The following NAV3 variants were observed in gnomAD, a reference collection of about 807,000 sequenced individuals.
NAV3 encodes neuron navigator 3.
In NAV3, 87 loss-of-function variants were observed where a neutral mutation model predicts 244.7. The observed-to-expected ratio is 0.36, with a 90% CI of 0.30 to 0.42. The LOEUF is 0.42. NAV3 is among the 20% of genes least tolerant of loss of function. NAV3 has a pLI of 1.00. For missense variants in NAV3, 2,663 were observed against 2,893.3 expected, an observed-to-expected ratio of 0.92 and a Z score of 1.83; for synonymous variants, 1,126 against 1,042.2, an observed-to-expected ratio of 1.08 and a Z score of -1.55.
At chr12:77,829,242 G>A (rs774867194), upstream of NAV3, among the ~76,000 whole-genome samples, 3 of 152,158 alleles carry the variant, frequency 2.0e-5, no homozygotes, top group Admixed American at 6.5e-5. Context: ...CCTTCCAACC[G>A]GATTTCTTCC....
intron 9 of NAV3, 34 bp from the exon 10 acceptor site, chr12:78,049,959 C>A: frequency 6.7e-7 from 1 of 1,485,728 alleles, no homozygotes. Flanking sequence ...TACTAAATGT[C>A]ATGAATAGCA....
intron 1 of NAV3, among the ~76,000 whole-genome samples, chr12:77,886,846 C>T (rs536022746): frequency 3.9e-5 from 6 of 152,136 alleles, no homozygotes; most frequent in East Asian, 1.9e-4. Flanking sequence ...TTATACCCCT[C>T]GATTTTAATC....
chr12:78,031,592 G>A (rs968755653), intron 9 of NAV3, among the ~76,000 whole-genome samples: 1 of 151,740 alleles, frequency 6.6e-6, no homozygotes, highest in African/African-American at 2.4e-5. Context: ...GTAGGGACAT[G>A]GATGAAATTG....
chr12:78,187,976 G>A (rs1462930230), intron 31 of NAV3, among the ~76,000 whole-genome samples: 2 of 151,860 alleles, frequency 1.3e-5, no homozygotes, highest in East Asian at 3.9e-4. Flanking sequence ...AACAGGTCAT[G>A]GATCAGTTTT....
intron 2 of NAV3, among the ~76,000 whole-genome samples, chr12:77,661,185 G>A (rs553110342): frequency 6.6e-6 from 1 of 152,154 alleles, no homozygotes; most frequent in African/African-American, 2.4e-5. Flanking sequence ...TGGACGTACC[G>A]TTTTACATTC....
chr12:77,841,262 A>G (rs112035867), intron 1 of NAV3, among the ~76,000 whole-genome samples: 67 of 152,366 alleles, frequency 4.4e-4, no homozygotes, highest in African/African-American at 1.5e-3. Context: ...TGCCACCTCC[A>G]TAAACGAAAA....
intron 2 of NAV3, among the ~76,000 whole-genome samples, chr12:77,707,234 G>C (rs1488287666): frequency 1.7e-5 from 2 of 120,846 alleles, no homozygotes; most frequent in Non-Finnish European, 3.3e-5. Context: ...ACAAGCCCTG[G>C]TGTGTGATGT....
At chr12:77,769,453 A>C (rs1006660570) in intron 2 of NAV3, among the ~76,000 whole-genome samples, 2 of 152,256 alleles carry the variant, frequency 1.3e-5, no homozygotes, top group African/African-American at 4.8e-5. Context: ...GTATTTGAAA[A>C]GAGGAATGTT....
chr12:77,592,510 C>T (rs1203942252), intron 2 of NAV3, among the ~76,000 whole-genome samples: 2 of 152,104 alleles, frequency 1.3e-5, no homozygotes, highest in South Asian at 2.1e-4. Context: ...TTTACTTTTC[C>T]TACAGACATC....
chr12:77,966,111 A>C, intron 3 of NAV3, 118 bp from the exon 4 acceptor site: 1 of 857,944 alleles, frequency 1.2e-6, no homozygotes, highest in South Asian at 1.4e-5. Context: ...TAAGACTTCT[A>C]GTATGAAATG....
intron 2 of NAV3, among the ~76,000 whole-genome samples, chr12:77,752,353 T>C (rs770360065): frequency 6.6e-5 from 10 of 152,294 alleles, no homozygotes; most frequent in Middle Eastern, 3.4e-3. Flanking sequence ...TTTGTGTCGC[T>C]TTTATAGGGA....
intron 8 of NAV3, among the ~76,000 whole-genome samples, chr12:78,016,317 A>G (rs1306164113): frequency 6.6e-6 from 1 of 152,156 alleles, no homozygotes; most frequent in Non-Finnish European, 1.5e-5. Context: ...ATGCCTTATT[A>G]TAATTCAATG....
At chr12:78,008,367 C>T (rs1874618016) in intron 8 of NAV3, among the ~76,000 whole-genome samples, 1 of 151,966 alleles carries the variant, frequency 6.6e-6, no homozygotes. Flanking sequence ...AAAGACAACA[C>T]TTTGCTTGTT....
chr12:77,981,344 T>C (rs1869528847), intron 5 of NAV3, among the ~76,000 whole-genome samples: 1 of 152,198 alleles, frequency 6.6e-6, no homozygotes, highest in Non-Finnish European at 1.5e-5. Flanking sequence ...GTTATCATTT[T>C]ATAGCAGTTC....
chr12:77,572,635 C>T (rs1421498906), intron 2 of NAV3, among the ~76,000 whole-genome samples: 4 of 152,134 alleles, frequency 2.6e-5, no homozygotes, highest in Admixed American at 6.6e-5. Flanking sequence ...AAATAGAACA[C>T]CTGCCTTATT....
chr12:77,651,394 G>T (rs886120875), intron 2 of NAV3, among the ~76,000 whole-genome samples: 3 of 151,926 alleles, frequency 2.0e-5, no homozygotes, highest in Admixed American at 6.6e-5. Flanking sequence ...GATTTAGCTT[G>T]TTACTCCCCA....
chr12:78,204,771 C>T (rs1297260260), intron 38 of NAV3, among the ~76,000 whole-genome samples, 164 bp from the exon 39 acceptor site: 1 of 152,130 alleles, frequency 6.6e-6, no homozygotes. Context: ...GCTATGTAGA[C>T]AGATACATGT....
chr12:77,975,360 G>C (rs11611722), intron 5 of NAV3, among the ~76,000 whole-genome samples: 56,943 of 152,002 alleles, frequency 0.37, 11,443 homozygotes, highest in South Asian at 0.44. Flanking sequence ...AAAAATCTTT[G>C]CTTTCTTGAA....
Position 77,968,700 on chromosome 12 carries a change from C to A in NAV3, c.669C>A (p.Ser223=). ...CCAAAACCCAGCAAGATATGCAGTC[C>A]AGGTAAGGAAAGGAAGTAGGGAATG... The part of the protein sequence containing the change: ...SQAKTQQDMQ[S]SLAARYATQS... Residue 223 remains serine, a splice_region_variant and synonymous_variant, in exon 5 of 40, where the codon TCC becomes TCA. Transcript: ENST00000397909. 1.2e-6 allele frequency: 2 copies of A among 1,611,818 alleles called. No homozygotes were observed. Among genetic ancestry groups the A allele is most frequent in the Non-Finnish European group, 1.7e-6 (2 of 1,178,644 alleles).
Sources: gnomAD v4.1 joint callset for allele counts (sites outside exome capture counted in the v4.1 genomes callset) on GRCh38, gnomAD v4.1.1 for gene constraint, MANE v1.5 for transcripts, NCBI Gene and HGNC (gene_info 2026-07-23, HGNC 2026-07-21) for gene names.